Variants in CPEB2 observed in about 807,000 individuals in gnomAD.
CPEB2 encodes cytoplasmic polyadenylation element binding protein 2.
In CPEB2, 56 loss-of-function variants were observed where a neutral mutation model predicts 93.6. That is an observed-to-expected ratio of 0.60 (90% CI 0.48 to 0.75). CPEB2 has a LOEUF of 0.75. CPEB2 is among the 30% of genes least tolerant of loss of function. CPEB2 has a pLI of 0.00. For missense variants in CPEB2, 1,579 were observed against 1,395.1 expected (o/e 1.13, Z -2.10); for synonymous variants, 764 against 586.3 (o/e 1.30, Z -4.38).
Position 15,052,562 on chromosome 4 carries a change from T to C in CPEB2, c.2349T>C (p.Gly783=). Residue 783 remains glycine, a synonymous_variant, in exon 7 of 12, where the codon GGT becomes GGC. Transcript: ENST00000538197. The part of the protein sequence containing the change: ...ERFSRKVFVG[G]LPPDIDEDEI... ...TCTCTCGAAAAGTTTTTGTTGGTGG[T>C]CTTCCTCCAGATATTGATGAAGGTA... is the stretch of plus-strand genomic sequence containing the variant. The C allele has an allele frequency of 6.5e-7, 1 of 1,545,626 alleles. No homozygotes were observed. The highest frequency in any genetic ancestry group is 1.7e-4 in the Middle Eastern group (1 of 5,756).
intron 3 of CPEB2, among the ~76,000 whole-genome samples, chr4:15,010,255 T>G (rs1392646126): frequency 6.6e-6 from 1 of 152,226 alleles, no homozygotes; most frequent in East Asian, 1.9e-4. Flanking sequence ...GACCTTGAAC[T>G]GGGTCATTTA....
chr4:15,062,404 C>A, intron 11 of CPEB2, 144 bp downstream of exon 11: 1 of 509,402 alleles, frequency 2.0e-6, no homozygotes, highest in Non-Finnish European at 3.3e-6. Flanking sequence ...TAAAAATATC[C>A]TTGAAATGGA....
chr4:15,040,021 T>C (rs917301575), intron 5 of CPEB2, among the ~76,000 whole-genome samples: 1 of 152,150 alleles, frequency 6.6e-6, no homozygotes, highest in African/African-American at 2.4e-5. Flanking sequence ...ATAATGTAGA[T>C]TGGATCTGAA....
Position 15,007,426 on chromosome 4 carries a change from G to T in CPEB2, c.1784G>T (p.Gly595Val). ...AGAACCGGAAACATGGGAATCCCAGGAACTATGAATCAGATATCTCCATTG... is the reference window on the plus strand; with the variant it reads ...AGAACCGGAAACATGGGAATCCCAGTAACTATGAATCAGATATCTCCATTG... ...HRRTGNMGIP[G>V]TMNQISPLKK... The change falls in exon 2 of 12, where the codon GGA (glycine) becomes GTA (valine). Residue 595 changes from glycine (G) to valine (V), a missense_variant. Physicochemically the swap from Gly to Val is moderately radical, Grantham distance 109. Transcript: ENST00000538197. 6.2e-7 allele frequency: 1 copy of T among 1,614,092 alleles called. No homozygotes were observed.
At chr4:15,040,621 C>T (rs2604576) in intron 6 of CPEB2, 134 bp downstream of exon 6, 42,134 of 740,410 alleles carry the variant, frequency 0.057, 3,635 homozygotes, top group African/African-American at 0.27. Flanking sequence ...GAGCACTTGT[C>T]GAAGTTTTTA....
At chr4:15,032,090 T>TA (rs1267242236) in intron 4 of CPEB2, among the ~76,000 whole-genome samples, 1 of 152,204 alleles carries the variant, frequency 6.6e-6, no homozygotes, top group Admixed American at 6.5e-5. Flanking sequence ...TCAAATCAGT[T>TA]AAAAAAATTT....
chr4:15,034,783 T>C (rs1726446437), intron 5 of CPEB2, among the ~76,000 whole-genome samples: 1 of 152,084 alleles, frequency 6.6e-6, no homozygotes, highest in Non-Finnish European at 1.5e-5. Flanking sequence ...ATCGGGAATA[T>C]TTGTGGGTTA....
intron 4 of CPEB2, among the ~76,000 whole-genome samples, chr4:15,019,700 T>A (rs1441620313): frequency 1.3e-5 from 2 of 152,148 alleles, no homozygotes; most frequent in Non-Finnish European, 2.9e-5. Context: ...GTTTTGTTTT[T>A]GTTATGGGAT....
chr4:15,061,954 T>G lies in CPEB2; in HGVS notation c.2696-125T>G, dbSNP rs1028157153. ...GTCCTTTTTTAACAACAGCCTCTTA[T>G]CTGCCATTCTACTCCTGGTCAAATG... On this transcript the variant is annotated intron_variant, in intron 10 of 11. Transcript: ENST00000538197. 6 of 862,680 alleles carry G rather than the reference T, an allele frequency of 7.0e-6. No homozygotes were observed. The East Asian group carries it at 1.6e-4, about 22-fold the overall frequency. 53.4% of individuals were successfully genotyped at this position (862,680 alleles called of 1,614,324 possible).
At chr4:15,041,938 CAG>C (rs1179055474) in intron 6 of CPEB2, among the ~76,000 whole-genome samples, 1 of 152,136 alleles carries the variant, frequency 6.6e-6, no homozygotes, top group Non-Finnish European at 1.5e-5. Context: ...TTAGAGGAGA[CAG>C]ACACTCAAGA....
At chr4:15,045,907 A>T (rs894942263) in intron 6 of CPEB2, among the ~76,000 whole-genome samples, 1 of 152,172 alleles carries the variant, frequency 6.6e-6, no homozygotes, top group Non-Finnish European at 1.5e-5. Context: ...TTGTACGGAA[A>T]TTGTATAGAA....
In CPEB2 at chr4:15,031,488, C is replaced by T. The variant is rs543931024; in HGVS notation, c.2126-1673C>T. 5.4e-4 allele frequency among the ~76,000 whole-genome samples: 82 copies of T among 152,214 alleles called. 1 individual carries two copies. Among genetic ancestry groups the T allele is most frequent in the Admixed American group, 3.3e-3 (50 of 15,272 alleles). On this transcript the variant is annotated intron_variant, in intron 4 of 11. Coordinates refer to ENST00000538197, the MANE Select transcript of CPEB2 (RefSeq NM_001177382.2). ...TGATTGTGTACTTCCCATATGTATG[C>T]TTCTATTTCTCACTCATACCAAGGT... is the stretch of plus-strand genomic sequence containing the variant.
chr4:15,017,548 A>G (rs1253813019), intron 4 of CPEB2: 4 of 242,032 alleles, frequency 1.7e-5, no homozygotes, highest in African/African-American at 4.5e-5. Flanking sequence ...ATGGATCTAA[A>G]AGTATACACT....
Position 15,003,124 on chromosome 4 carries a change from T to TCCG in CPEB2, c.454_456dup (p.Ala152dup). 1.3e-6 allele frequency: 2 copies of TCCG among 1,530,176 alleles called. No homozygotes were observed. The highest frequency in any genetic ancestry group is 1.7e-6 in the Non-Finnish European group (2 of 1,144,794). 94.8% of individuals were successfully genotyped at this position (1,530,176 alleles called of 1,614,324 possible). A position where few individuals can be genotyped will look rare whatever the true frequency, so the allele number is the denominator to read the frequency against. On this transcript the variant is annotated inframe_insertion, in exon 1 of 12. Coordinates refer to ENST00000538197, the MANE Select transcript of CPEB2 (RefSeq NM_001177382.2). ...GAGTCTGCACCACCCCTCCTCCTCC[T>TCCG]CCGCCTCCTCCTGCTGCTGCTGCCG...
Position 15,003,885 on chromosome 4 carries a change from GC to G in CPEB2, c.1213del (p.Gln405SerfsTer53). 2 of 872,522 alleles carry G rather than the reference GC, an allele frequency of 2.3e-6. No individual in the cohort carries two copies. The highest frequency in any genetic ancestry group is 3.9e-5 in the South Asian group (1 of 25,574). The allele number at this position is 872,522 out of a possible 1,614,324, so 54.0% of individuals were successfully genotyped here. A position where few individuals can be genotyped will look rare whatever the true frequency, so the allele number is the denominator to read the frequency against. On this transcript the variant is annotated frameshift_variant, in exon 1 of 12. Transcript: ENST00000538197. LOFTEE classifies it high-confidence loss of function. ...AGCCGCCGCCGACCCAGCCGCAGCAGCAGCCGCCGCCACCCCAGCAGCCGCC... is the reference window on the plus strand; with the variant it reads ...AGCCGCCGCCGACCCAGCCGCAGCAGAGCCGCCGCCACCCCAGCAGCCGCC... The part of the protein sequence containing the change: ...QQPPPTQPQQ[Q>X]PPPPQQPPQP...
intron 5 of CPEB2, among the ~76,000 whole-genome samples, chr4:15,038,323 TC>T (rs1260172221): frequency 6.6e-6 from 1 of 152,232 alleles, no homozygotes; most frequent in Non-Finnish European, 1.5e-5. Context: ...ATTAATTTTC[TC>T]AATAGGTCAA....
At chr4:15,030,403 T>C (rs577938334) in intron 4 of CPEB2, among the ~76,000 whole-genome samples, 4 of 152,094 alleles carry the variant, frequency 2.6e-5, no homozygotes, top group Admixed American at 2.6e-4. Flanking sequence ...TTTTGTGATA[T>C]AGTGTTGTCA....
chr4:15,034,541 G>T (rs75972263), intron 5 of CPEB2, among the ~76,000 whole-genome samples: 4,141 of 152,132 alleles, frequency 0.027, 89 homozygotes, highest in South Asian at 0.14. Context: ...AGTCATTTGG[G>T]GCCACAATGC....
chr4:15,026,868 A>G (rs1262763955), intron 4 of CPEB2, among the ~76,000 whole-genome samples: 1 of 152,174 alleles, frequency 6.6e-6, no homozygotes, highest in African/African-American at 2.4e-5. Flanking sequence ...CACAAACTTC[A>G]TATGCTTGTT....
Sources: gnomAD v4.1 joint callset for allele counts (sites outside exome capture counted in the v4.1 genomes callset) on GRCh38, gnomAD v4.1.1 for gene constraint, MANE v1.5 for transcripts, NCBI Gene and HGNC (gene_info 2026-07-23, HGNC 2026-07-21) for gene names.